FGF7: variants seen among roughly 807,000 people sequenced by gnomAD.
The protein encoded by FGF7 is FGF-7.
In FGF7, 6 loss-of-function variants were observed where a neutral mutation model predicts 20.5. The ratio of observed to expected loss-of-function variants is 0.29; its 90% CI spans 0.16 to 0.58. The LOEUF (loss-of-function observed/expected upper bound fraction) is 0.58, where lower values mean the gene tolerates loss of function less well. Among genes scored for constraint, FGF7 ranks in the 20% least tolerant of loss-of-function variants. The pLI is 0.90. For missense variants in FGF7, 144 were observed against 228.8 expected (o/e 0.63, Z 2.39); for synonymous variants, 64 against 74.7 (o/e 0.86, Z 0.74).
intron 2 of FGF7, among the ~76,000 whole-genome samples, chr15:49,481,482 C>T (rs1425643366): frequency 6.6e-6 from 1 of 152,206 alleles, no homozygotes; most frequent in East Asian, 1.9e-4. Context: ...TTAAGCCTAG[C>T]ATAGAATTGG....
chr15:49,426,136 C>A (rs866987090), intron 2 of FGF7, among the ~76,000 whole-genome samples: 1 of 151,686 alleles, frequency 6.6e-6, no homozygotes, highest in South Asian at 2.1e-4. Flanking sequence ...TCCCTGTCTA[C>A]GAATGATCTG....
intron 2 of FGF7, among the ~76,000 whole-genome samples, chr15:49,451,207 A>G (rs2052700907): frequency 2.6e-5 from 4 of 152,164 alleles, no homozygotes; most frequent in African/African-American, 9.6e-5. Flanking sequence ...ACGGTCATTT[A>G]AAATTTTAAC....
intron 2 of FGF7, among the ~76,000 whole-genome samples, chr15:49,457,239 A>C (rs1463204957): frequency 6.6e-6 from 1 of 152,074 alleles, no homozygotes; most frequent in Non-Finnish European, 1.5e-5. Context: ...AAGAGAGAAG[A>C]GTTCGTTTAA....
intron 2 of FGF7, among the ~76,000 whole-genome samples, chr15:49,472,092 C>T (rs1443589534): frequency 6.6e-6 from 1 of 150,832 alleles, no homozygotes; most frequent in African/African-American, 2.4e-5. Flanking sequence ...ACTTGTCTTT[C>T]TGGCTGTTAG....
chr15:49,470,242 C>T (rs2054616985), intron 2 of FGF7, among the ~76,000 whole-genome samples: 1 of 40,852 alleles, frequency 2.4e-5, no homozygotes, highest in Non-Finnish European at 6.7e-5. Flanking sequence ...CCTTATAATT[C>T]TTTAACACTG....
chr15:49,436,806 AT>A (rs1160446868), intron 2 of FGF7, among the ~76,000 whole-genome samples: 1 of 151,626 alleles, frequency 6.6e-6, no homozygotes, highest in African/African-American at 2.4e-5. Context: ...CACTGGTGTT[AT>A]TAAAACATCG....
intron 2 of FGF7, among the ~76,000 whole-genome samples, chr15:49,449,718 A>T (rs2052549874): frequency 6.6e-6 from 1 of 151,960 alleles, no homozygotes; most frequent in African/African-American, 2.4e-5. Flanking sequence ...TTTCGCTTCT[A>T]TACTTGTGCA....
At chr15:49,448,660 C>T (rs1015919475) in intron 2 of FGF7, among the ~76,000 whole-genome samples, 5 of 150,416 alleles carry the variant, frequency 3.3e-5, no homozygotes, top group African/African-American at 1.2e-4. Flanking sequence ...TTTTGATGAA[C>T]ATCCACATAT....
intron 2 of FGF7, among the ~76,000 whole-genome samples, chr15:49,433,016 AGTTGGAGCAAAATTT>A (rs2050753477): frequency 6.6e-6 from 1 of 151,644 alleles, no homozygotes; most frequent in East Asian, 1.9e-4. Flanking sequence ...TCGAAAAAGT[AGTTGGAGCAAAATTT>A]GTTGCTATTT....
chr15:49,454,247 A>G (rs957389413), intron 2 of FGF7, among the ~76,000 whole-genome samples: 3 of 152,202 alleles, frequency 2.0e-5, no homozygotes, highest in African/African-American at 7.2e-5. Flanking sequence ...GAAATATACC[A>G]TGGATTTCCA....
At chr15:49,430,604 A>C (rs2050521248) in intron 2 of FGF7, among the ~76,000 whole-genome samples, 1 of 151,888 alleles carries the variant, frequency 6.6e-6, no homozygotes, top group African/African-American at 2.4e-5. Flanking sequence ...GTCCAATATC[A>C]AGGTAATGGC....
intron 3 of FGF7, 136 bp downstream of exon 3, chr15:49,483,390 C>A: frequency 1.7e-6 from 1 of 575,368 alleles, no homozygotes. Flanking sequence ...ACACTTTATA[C>A]TCAAACGTTA....
chr15:49,423,653 A>C (rs1165232788), intron 1 of FGF7, among the ~76,000 whole-genome samples: 1 of 152,156 alleles, frequency 6.6e-6, no homozygotes, highest in Non-Finnish European at 1.5e-5. Context: ...GTTCAGGAGA[A>C]AATAATTGAT....
At chr15:49,451,043 T>A (rs533843706) in intron 2 of FGF7, among the ~76,000 whole-genome samples, 4 of 152,240 alleles carry the variant, frequency 2.6e-5, no homozygotes, top group South Asian at 2.1e-4. Flanking sequence ...GGTTTTTTTT[T>A]AAATGACAGT....
At chr15:49,432,679 T>C (rs2050722812) in intron 2 of FGF7, among the ~76,000 whole-genome samples, 1 of 151,670 alleles carries the variant, frequency 6.6e-6, no homozygotes, top group Non-Finnish European at 1.5e-5. Flanking sequence ...ACCAACATTT[T>C]AATAATGACC....
intron 2 of FGF7, among the ~76,000 whole-genome samples, chr15:49,426,823 C>G (rs1178813759): frequency 6.6e-6 from 1 of 151,800 alleles, no homozygotes; most frequent in African/African-American, 2.4e-5. Context: ...ATTTTTACTT[C>G]TATAAACTTT....
chr15:49,442,381 A>T lies in FGF7; in HGVS notation c.286+17798A>T, dbSNP rs117429726. On this transcript the variant is annotated intron_variant, in intron 2 of 3. Coordinates refer to ENST00000267843, the MANE Select transcript of FGF7 (RefSeq NM_002009.4). The stretch of plus-strand genomic sequence containing the variant: ...CTTGGCCATTTCAGTCCACCCCTGC[A>T]CACTGCTGAGTACCTTGTGAGAGTA... 7.4e-3 allele frequency among the ~76,000 whole-genome samples: 1,128 copies of T among 151,792 alleles called. 6 individuals are homozygous for T. The highest frequency in any genetic ancestry group is 0.017 in the Middle Eastern group (5 of 294).
intron 2 of FGF7, among the ~76,000 whole-genome samples, chr15:49,474,548 TA>T (rs1328227828): frequency 6.6e-6 from 1 of 151,732 alleles, no homozygotes; most frequent in Admixed American, 6.6e-5. Flanking sequence ...GAGGCATCAG[TA>T]AAAAAAGGAA....
intron 2 of FGF7, among the ~76,000 whole-genome samples, chr15:49,463,371 T>C (rs569872158): frequency 1.3e-5 from 2 of 152,106 alleles, no homozygotes; most frequent in East Asian, 3.9e-4. Context: ...CTGGCCAACA[T>C]AGTGAAACCC....
Sources: allele counts gnomAD v4.1 joint callset (sites outside exome capture counted in the v4.1 genomes callset), GRCh38; gene constraint gnomAD v4.1.1; transcripts MANE v1.5; gene names NCBI Gene and HGNC (gene_info 2026-07-23, HGNC 2026-07-21).